HDAC9: variants seen among roughly 807,000 people sequenced by gnomAD.
The protein encoded by HDAC9 is histone deacetylase 9.
In HDAC9, 41 loss-of-function variants were observed where a neutral mutation model predicts 139.4. That is an observed-to-expected ratio of 0.29 (90% CI 0.23 to 0.38). HDAC9 has a LOEUF of 0.38. Among genes scored for constraint, HDAC9 ranks in the 10% least tolerant of loss-of-function variants. HDAC9 has a pLI of 1.00. For synonymous variants in HDAC9, 517 were observed against 476.2 expected, an observed-to-expected ratio of 1.09 and a Z score of -1.12; for missense variants, 1,147 against 1,297.0, an observed-to-expected ratio of 0.88 and a Z score of 1.78.
intron 15 of HDAC9, among the ~76,000 whole-genome samples, chr7:18,763,146 C>A (rs1180405182): frequency 6.6e-6 from 1 of 152,144 alleles, no homozygotes; most frequent in Non-Finnish European, 1.5e-5. Flanking sequence ...TGAACTCTTT[C>A]ACCTAATTCA....
intron 22 of HDAC9, among the ~76,000 whole-genome samples, chr7:18,924,815 A>G (rs947125544): frequency 6.6e-6 from 1 of 152,158 alleles, no homozygotes; most frequent in African/African-American, 2.4e-5. Context: ...ATAAAAAGCA[A>G]CTAGGCATTC....
chr7:18,751,079 C>T (rs1788403267), intron 14 of HDAC9, among the ~76,000 whole-genome samples: 1 of 152,118 alleles, frequency 6.6e-6, no homozygotes, highest in African/African-American at 2.4e-5. Flanking sequence ...TCACACTGGT[C>T]TAAAAATTAG....
intron 16 of HDAC9, among the ~76,000 whole-genome samples, chr7:18,782,849 C>T (rs940363095): frequency 2.6e-5 from 4 of 151,928 alleles, no homozygotes; most frequent in East Asian, 1.9e-4. Context: ...TCTTAGGTCA[C>T]GGATCGGTGA....
At chr7:18,914,537 CTAATA>C (rs1803021624) in intron 22 of HDAC9, among the ~76,000 whole-genome samples, 1 of 151,842 alleles carries the variant, frequency 6.6e-6, no homozygotes, top group Admixed American at 6.6e-5. Context: ...GCCTTTGTTT[CTAATA>C]TAATTTTTAA....
In HDAC9 at chr7:18,265,902, A is replaced by G. The variant is rs115799846; in HGVS notation, c.25+103553A>G. ...AGAAGTATTTTAAGAATCTTTGCAG[A>G]CAATTATGGAGATTATTCTATAATA... On this transcript the variant is annotated intron_variant, in intron 2 of 12. Transcript: ENST00000417496. Among the ~76,000 whole-genome samples, 1,010 of 152,294 alleles carry G rather than the reference A, an allele frequency of 6.6e-3. 10 individuals carry two copies. Among genetic ancestry groups the G allele is most frequent in the African/African-American group, 0.023 (951 of 41,564 alleles).
chr7:18,506,524 C>G (rs1799814947), intron 2 of HDAC9, among the ~76,000 whole-genome samples: 1 of 151,708 alleles, frequency 6.6e-6, no homozygotes, highest in African/African-American at 2.4e-5. Flanking sequence ...GTATATATAT[C>G]TGTTTCTAAA....
chr7:18,299,744 G>A (rs545213889), intron 1 of HDAC9, among the ~76,000 whole-genome samples: 3 of 152,260 alleles, frequency 2.0e-5, no homozygotes, highest in African/African-American at 2.4e-5. Flanking sequence ...TATGATTGGC[G>A]GAGGGGTAAA....
At chr7:18,715,113 G>A (rs1468533360) in intron 12 of HDAC9, among the ~76,000 whole-genome samples, 1 of 152,046 alleles carries the variant, frequency 6.6e-6, no homozygotes, top group African/African-American at 2.4e-5. Flanking sequence ...AGGTTTGGTT[G>A]TTGAGACAAC....
At chr7:18,378,021 C>G (rs925857543) in intron 1 of HDAC9, among the ~76,000 whole-genome samples, 1 of 151,978 alleles carries the variant, frequency 6.6e-6, no homozygotes, top group Admixed American at 6.6e-5. Context: ...ATGAGTAAAC[C>G]TAGAAACTTG....
chr7:18,171,258 G>A (rs1427871593), intron 2 of HDAC9, among the ~76,000 whole-genome samples: 1 of 152,110 alleles, frequency 6.6e-6, no homozygotes, highest in Non-Finnish European at 1.5e-5. Context: ...TCTGTTATTG[G>A]TGTATAGGAA....
intron 1 of HDAC9, among the ~76,000 whole-genome samples, chr7:18,424,404 A>G (rs923745922): frequency 6.6e-6 from 1 of 152,220 alleles, no homozygotes; most frequent in South Asian, 2.1e-4. Flanking sequence ...TGCTATGAAG[A>G]TGAAATAAAA....
chr7:18,710,499 CATACACACATACATACGTATATAT>C (rs1490124186), intron 12 of HDAC9, among the ~76,000 whole-genome samples: 3 of 152,152 alleles, frequency 2.0e-5, no homozygotes, highest in Non-Finnish European at 2.9e-5. Context: ...CACATATATG[CATACACACATACATACGTATATAT>C]ATACACACAT....
chr7:18,876,518 C>T (rs921981244), intron 22 of HDAC9, among the ~76,000 whole-genome samples: 3 of 152,106 alleles, frequency 2.0e-5, no homozygotes, highest in African/African-American at 7.2e-5. Context: ...AGAGTCTAAA[C>T]AGATTGTAGT....
chr7:18,595,632 A>T (rs1832265063), intron 6 of HDAC9, among the ~76,000 whole-genome samples: 1 of 152,052 alleles, frequency 6.6e-6, no homozygotes, highest in African/African-American at 2.4e-5. Context: ...CCCTTATGGC[A>T]GGAGGTTACT....
chr7:18,545,934 C>T (rs1814653853), intron 2 of HDAC9, among the ~76,000 whole-genome samples: 1 of 152,176 alleles, frequency 6.6e-6, no homozygotes, highest in South Asian at 2.1e-4. Context: ...CTGTGAATCT[C>T]TAGACTAAAA....
chr7:18,296,390 C>T (rs1043396735), intron 1 of HDAC9, among the ~76,000 whole-genome samples: 3 of 145,314 alleles, frequency 2.1e-5, no homozygotes, highest in Admixed American at 6.7e-5. Context: ...ATTTTATTTT[C>T]TCTTGATTAT....
intron 1 of HDAC9, among the ~76,000 whole-genome samples, chr7:18,355,099 G>A (rs1380762280): frequency 6.6e-6 from 1 of 152,126 alleles, no homozygotes; most frequent in Non-Finnish European, 1.5e-5. Context: ...ATTATCCTTG[G>A]TAAAATAACT....
At chr7:18,301,998 A>C (rs1436313990) in intron 1 of HDAC9, among the ~76,000 whole-genome samples, 1 of 152,154 alleles carries the variant, frequency 6.6e-6, no homozygotes, top group Non-Finnish European at 1.5e-5. Flanking sequence ...ATGTTCAATG[A>C]CTCTACTGCT....
chr7:18,185,243 A>T, intron 2 of HDAC9, among the ~76,000 whole-genome samples: 1 of 152,232 alleles, frequency 6.6e-6, no homozygotes, highest in South Asian at 2.1e-4. Flanking sequence ...ACTATACATT[A>T]AAATAACCTG....
Sources: gnomAD v4.1 joint callset for allele counts (sites outside exome capture counted in the v4.1 genomes callset) on GRCh38, gnomAD v4.1.1 for gene constraint, MANE v1.5 for transcripts, NCBI Gene and HGNC (gene_info 2026-07-23, HGNC 2026-07-21) for gene names.